Variants in FMN1 observed in about 807,000 individuals in gnomAD.
FMN1 encodes the protein formin-1.
FMN1 carries 110 observed loss-of-function variants against 132.4 expected under a neutral mutation model. The ratio of observed to expected loss-of-function variants is 0.83; its 90% CI spans 0.71 to 0.97. The LOEUF (loss-of-function observed/expected upper bound fraction) is 0.97. FMN1 is among the 50% of genes least tolerant of loss of function. FMN1 has a pLI of 0.00. For missense variants in FMN1, 1,792 were observed against 1,705.3 expected, an observed-to-expected ratio of 1.05 and a Z score of -0.90; for synonymous variants, 722 against 651.7, an observed-to-expected ratio of 1.11 and a Z score of -1.64.
intron 16 of FMN1, among the ~76,000 whole-genome samples, chr15:32,865,847 A>T (rs55841604): frequency 3.0e-5 from 4 of 132,854 alleles, no homozygotes; most frequent in African/African-American, 5.3e-5. Flanking sequence ...AAAAAAAAAA[A>T]AAAAAATAAA....
At chr15:32,812,833 T>C (rs1336217668) in intron 17 of FMN1, among the ~76,000 whole-genome samples, 1 of 152,228 alleles carries the variant, frequency 6.6e-6, no homozygotes, top group East Asian at 1.9e-4. Flanking sequence ...CCTTCTACAA[T>C]AGAAATATTT....
chr15:32,960,147 C>CT lies in FMN1; in HGVS notation c.3138+3959dup, dbSNP rs150148968. On this transcript the variant is annotated intron_variant, in intron 9 of 20. Transcript: ENST00000616417. ...ATACATTCTATGTAAATCAGCTGAC[C>CT]TTTTTTTGCCCGGATTTGTCTGGAA... Among the ~76,000 whole-genome samples, 1,574 of 152,206 alleles carry CT rather than the reference C, an allele frequency of 0.01. 43 individuals carry two copies. In the East Asian group the frequency reaches 0.11, roughly 11 times the overall value.
intron 4 of FMN1, among the ~76,000 whole-genome samples, chr15:33,100,023 T>TC: frequency 1.3e-5 from 2 of 152,166 alleles, no homozygotes; most frequent in East Asian, 1.9e-4. Flanking sequence ...GGTTTGGAGG[T>TC]CTTCGTGTCC....
At chr15:33,164,836 C>T (rs1448170166) in intron 3 of FMN1, among the ~76,000 whole-genome samples, 2 of 152,042 alleles carry the variant, frequency 1.3e-5, no homozygotes, top group Admixed American at 1.3e-4. Context: ...TTATGGGGTA[C>T]ATGAAATATT....
At chr15:32,878,871 T>A (rs1278851548) in intron 16 of FMN1, among the ~76,000 whole-genome samples, 1 of 152,192 alleles carries the variant, frequency 6.6e-6, no homozygotes, top group Non-Finnish European at 1.5e-5. Context: ...CCACGTGTTT[T>A]TATAAAATAG....
intron 15 of FMN1, among the ~76,000 whole-genome samples, chr15:32,888,506 G>A (rs1567331294): frequency 6.6e-6 from 1 of 152,164 alleles, no homozygotes; most frequent in Non-Finnish European, 1.5e-5. Flanking sequence ...TGGCAATGAG[G>A]TCGGCTATGG....
intron 7 of FMN1, among the ~76,000 whole-genome samples, chr15:33,005,106 G>C (rs2034343058): frequency 6.6e-6 from 1 of 151,894 alleles, no homozygotes; most frequent in Non-Finnish European, 1.5e-5. Context: ...GAGTTAATGA[G>C]TGCAGCACAA....
chr15:32,857,125 G>A lies in FMN1; in HGVS notation c.3836-18C>T. ...CTCACTTGCTGTGAAGAGAAATTTA[G>A]AATTAGACTTAGGAACACAGATTTG... is the stretch of plus-strand genomic sequence containing the variant. On this transcript the variant is annotated intron_variant, in intron 16 of 20. Transcript: ENST00000616417. 6.3e-7 allele frequency: 1 copy of A among 1,591,874 alleles called. No homozygotes were observed. The highest frequency in any genetic ancestry group is 8.6e-7 in the Non-Finnish European group (1 of 1,159,842).
At chr15:33,034,200 A>G (rs2036083128) in intron 6 of FMN1, among the ~76,000 whole-genome samples, 1 of 152,172 alleles carries the variant, frequency 6.6e-6, no homozygotes, top group African/African-American at 2.4e-5. Context: ...TGACATCTCA[A>G]GTTTAACATA....
intron 4 of FMN1, among the ~76,000 whole-genome samples, chr15:33,119,673 A>G (rs1216187691): frequency 6.6e-6 from 1 of 152,240 alleles, no homozygotes; most frequent in African/African-American, 2.4e-5. Flanking sequence ...GTTTTCAGTT[A>G]AACACAAAAC....
chr15:33,179,812 A>G (rs62012805), intron 3 of FMN1, among the ~76,000 whole-genome samples: 21,591 of 152,158 alleles, frequency 0.14, 2,964 homozygotes, highest in African/African-American at 0.36. Flanking sequence ...CTGGCACATA[A>G]TGGGCCCAGT....
At chr15:33,028,393 T>A (rs900443169) in intron 6 of FMN1, among the ~76,000 whole-genome samples, 4 of 152,130 alleles carry the variant, frequency 2.6e-5, no homozygotes, top group Non-Finnish European at 5.9e-5. Context: ...AACTTTGCAG[T>A]GAGCCAAGAG....
At chr15:33,128,368 C>A (rs1464594755) in intron 4 of FMN1, among the ~76,000 whole-genome samples, 1 of 152,170 alleles carries the variant, frequency 6.6e-6, no homozygotes, top group Non-Finnish European at 1.5e-5. Flanking sequence ...CAAGGATTCA[C>A]CAGCCTCTCT....
At chr15:32,937,667 T>C (rs2061309414) in intron 9 of FMN1, among the ~76,000 whole-genome samples, 1 of 152,182 alleles carries the variant, frequency 6.6e-6, no homozygotes, top group African/African-American at 2.4e-5. Flanking sequence ...AGTCACAAAG[T>C]GGCTCATATG....
At chr15:32,870,569 C>CG (rs1303982654) in intron 16 of FMN1, among the ~76,000 whole-genome samples, 1 of 152,200 alleles carries the variant, frequency 6.6e-6, no homozygotes, top group African/African-American at 2.4e-5. Flanking sequence ...AGCCTTTGCA[C>CG]GGAATTGTCT....
chr15:33,067,786 G>A (rs995326156), intron 5 of FMN1: 2 of 1,613,862 alleles, frequency 1.2e-6, no homozygotes, highest in East Asian at 4.5e-5. Flanking sequence ...ATTTCATAGA[G>A]AACTTACTCA....
intron 2 of FMN1, among the ~76,000 whole-genome samples, chr15:33,189,076 T>C (rs1165390093): frequency 6.6e-6 from 1 of 152,188 alleles, no homozygotes; most frequent in Non-Finnish European, 1.5e-5. Flanking sequence ...TCGTGAAAAT[T>C]AGAATTAAAT....
intron 3 of FMN1, among the ~76,000 whole-genome samples, chr15:33,167,486 T>C (rs1200631677): frequency 6.6e-6 from 1 of 152,212 alleles, no homozygotes; most frequent in Non-Finnish European, 1.5e-5. Context: ...CAACATTTCA[T>C]GAGGTCTTAA....
chr15:33,068,343 G>A (rs956477134), intron 5 of FMN1, among the ~76,000 whole-genome samples: 8 of 152,216 alleles, frequency 5.3e-5, no homozygotes, highest in African/African-American at 1.9e-4. Context: ...TTCTGAAAGT[G>A]CTGAGCCGGC....
Sources: gnomAD v4.1 joint callset for allele counts (sites outside exome capture counted in the v4.1 genomes callset) on GRCh38, gnomAD v4.1.1 for gene constraint, MANE v1.5 for transcripts, NCBI Gene and HGNC (gene_info 2026-07-23, HGNC 2026-07-21) for gene names.